Variants in ADGB observed in about 807,000 individuals in gnomAD.
ADGB encodes calpain-7-like protein.
ADGB carries 172 observed loss-of-function variants against 210.5 expected under a neutral mutation model. That is an observed-to-expected ratio of 0.82 (90% CI 0.72 to 0.93). The LOEUF is 0.93. Ranked by LOEUF, ADGB falls within the 40% of genes least tolerant of loss-of-function variation. The probability of loss-of-function intolerance (pLI) is 0.00; values close to 1 mark genes in which losing one functional copy is unlikely to be tolerated. For missense variants in ADGB, 2,025 were observed against 1,964.8 expected, an observed-to-expected ratio of 1.03 and a Z score of -0.58; for synonymous variants, 658 against 662.7, an observed-to-expected ratio of 0.99 and a Z score of 0.11.
intron 2 of ADGB, among the ~76,000 whole-genome samples, chr6:146,644,261 A>G (rs1775572255): frequency 6.6e-6 from 1 of 151,936 alleles, no homozygotes; most frequent in Non-Finnish European, 1.5e-5. Context: ...ATGAATCTAT[A>G]ATTATCTTAA....
intron 13 of ADGB, among the ~76,000 whole-genome samples, chr6:146,712,054 C>CAAAAAAAAAA (rs59777911): frequency 7.3e-6 from 1 of 137,418 alleles, no homozygotes. Flanking sequence ...CAGATCCTGT[C>CAAAAAAAAAA]AAAAAAAAAA....
At chr6:146,679,111 C>A (rs1776124245) in intron 9 of ADGB, among the ~76,000 whole-genome samples, 2 of 152,128 alleles carry the variant, frequency 1.3e-5, no homozygotes, top group African/African-American at 4.8e-5. Context: ...CTATTGAAGA[C>A]AATTCAGTCC....
intron 16 of ADGB, among the ~76,000 whole-genome samples, chr6:146,721,002 G>T (rs1776804272): frequency 6.6e-6 from 1 of 152,096 alleles, no homozygotes; most frequent in Non-Finnish European, 1.5e-5. Flanking sequence ...ACATCCAATT[G>T]GCCATTCCCA....
At position 146,782,019 on chromosome 6, in the gene ADGB, G is replaced by T. The variant is rs780050710; in HGVS notation, c.3863-1G>T. 1.4e-6 allele frequency: 2 copies of T among 1,477,824 alleles called. No homozygotes were observed. The highest frequency in any genetic ancestry group is 1.5e-5 in the South Asian group (1 of 68,512). The allele number at this position is 1,477,824 out of a possible 1,614,324, so 91.5% of individuals were successfully genotyped here. A position where few individuals can be genotyped will look rare whatever the true frequency, so the allele number is the denominator to read the frequency against. ...CATTTTTTATTTTTATGTCTCTCTAGCTTATGGTGAAAGACACGAGGAGTT... is the reference window on the plus strand; with the variant it reads ...CATTTTTTATTTTTATGTCTCTCTATCTTATGGTGAAAGACACGAGGAGTT... On this transcript the variant is annotated splice_acceptor_variant, in intron 29 of 35. Coordinates refer to ENST00000397944, the MANE Select transcript of ADGB (RefSeq NM_024694.4). LOFTEE classifies it high-confidence loss of function.
Position 146,618,767 on chromosome 6 carries a change from A to G in ADGB, c.75-16608A>G, listed in dbSNP as rs78820114. On this transcript the variant is annotated intron_variant, in intron 1 of 35. Transcript: ENST00000397944. ...TTTGATAAAACTTCTTTTGTGACCT[A>G]ACATATGGTCTGTCCTGGAGAATGT... Among the ~76,000 whole-genome samples, 858 of 152,192 alleles carry G rather than the reference A, an allele frequency of 5.6e-3. 6 individuals carry two copies. The highest frequency in any genetic ancestry group is 8.9e-3 in the Non-Finnish European group (603 of 67,928).
intron 1 of ADGB, among the ~76,000 whole-genome samples, chr6:146,634,758 A>G (rs1166548797): frequency 6.6e-6 from 1 of 152,080 alleles, no homozygotes; most frequent in East Asian, 1.9e-4. Flanking sequence ...TTGCAATAAG[A>G]ACAACCACCA....
intron 7 of ADGB, among the ~76,000 whole-genome samples, chr6:146,667,892 G>T (rs999326973): frequency 6.6e-6 from 1 of 151,996 alleles, no homozygotes; most frequent in African/African-American, 2.4e-5. Context: ...CATTTCAAAT[G>T]AGGAAACTAA....
At position 146,656,966 on chromosome 6, in the gene ADGB, A is replaced by T; in HGVS notation, c.598A>T (p.Lys200Ter). 1 of 1,550,910 alleles carries T rather than the reference A, an allele frequency of 6.4e-7. No homozygotes were observed. The highest frequency in any genetic ancestry group is 8.7e-7 in the Non-Finnish European group (1 of 1,146,376). ...LFNSYGKYVV[K>*]LYWMGCWRKI... ...CAATAGCTATGGAAAGTATGTTGTGAAACTTTACTGGATGGTAAGTCCATT... is the reference window on the plus strand; with the variant it reads ...CAATAGCTATGGAAAGTATGTTGTGTAACTTTACTGGATGGTAAGTCCATT... The change falls in exon 5 of 36, where the codon AAA becomes TAA. Residue 200 changes from lysine (K) to a stop codon, truncating the protein, a stop_gained. Transcript: ENST00000397944. LOFTEE classifies it high-confidence loss of function.
rs947336096 is a variant in ADGB, at chr6:146,788,558, G to A, written c.4485G>A (p.Val1495=). The change falls in exon 33 of 36, where the codon GTG becomes GTA. Residue 1495 remains valine, a synonymous_variant. Transcript: ENST00000397944. The part of the protein sequence containing the change: ...AKSTSSESGG[V]SSPGKEEREQ... ...CCACGAGTAGCGAAAGTGGAGGAGT[G>A]TCTTCACCAGGGAAAGAAGAGCGCG... 62 of 1,551,574 alleles carry A rather than the reference G, an allele frequency of 4.0e-5. No homozygotes were observed. The Admixed American group carries it at 4.3e-4, about 11-fold the overall frequency.
intron 33 of ADGB, among the ~76,000 whole-genome samples, chr6:146,800,044 G>T (rs1325520764): frequency 6.6e-6 from 1 of 152,064 alleles, no homozygotes; most frequent in Non-Finnish European, 1.5e-5. Context: ...TCCTGACCTC[G>T]TGATCCACCC....
intron 1 of ADGB, among the ~76,000 whole-genome samples, chr6:146,631,011 TAAGCTCATAATTA>T (rs1219386218): frequency 1.3e-5 from 2 of 152,262 alleles, no homozygotes; most frequent in East Asian, 3.9e-4. Context: ...CTGATAAGGA[TAAGCTCATAATTA>T]AAGAATATAC....
At chr6:146,692,315 A>G (rs1267328185) in intron 11 of ADGB, among the ~76,000 whole-genome samples, 3 of 151,728 alleles carry the variant, frequency 2.0e-5, no homozygotes, top group African/African-American at 7.3e-5. Context: ...TCAGCCTCAG[A>G]CTCCTTTAGG....
Position 146,733,204 on chromosome 6 carries a change from A to G in ADGB, c.2605A>G (p.Met869Val). ...PPNFKFAFRA[M>V]VLDLELLNSS... ...AAACTTCAAATTTGCATTCCGGGCT[A>G]TGGTTTTGGACTTGGAGTTACTCAA... The change falls in exon 21 of 36, where the codon ATG (methionine) becomes GTG (valine). Residue 869 changes from methionine (M) to valine (V), a missense_variant. Transcript: ENST00000397944. 6.5e-7 allele frequency: 1 copy of G among 1,544,466 alleles called. No homozygotes were observed. Among genetic ancestry groups the G allele is most frequent in the Non-Finnish European group, 8.8e-7 (1 of 1,142,776 alleles).
chr6:146,701,620 G>T (rs1248985511), intron 13 of ADGB, among the ~76,000 whole-genome samples: 2 of 151,838 alleles, frequency 1.3e-5, no homozygotes, highest in African/African-American at 4.8e-5. Flanking sequence ...TAGTTTCAGG[G>T]TTCATAACCC....
chr6:146,744,695 T>G (rs1259965792), intron 25 of ADGB, among the ~76,000 whole-genome samples: 1 of 152,190 alleles, frequency 6.6e-6, no homozygotes, highest in African/African-American at 2.4e-5. Flanking sequence ...TTCAGAATAC[T>G]AGTCTGTGGG....
intron 27 of ADGB, among the ~76,000 whole-genome samples, chr6:146,758,802 T>TA (rs1313301821): frequency 2.0e-5 from 3 of 151,996 alleles, no homozygotes; most frequent in Non-Finnish European, 4.4e-5. Flanking sequence ...CTGACATTGT[T>TA]ACAATATCGA....
intron 1 of ADGB, among the ~76,000 whole-genome samples, chr6:146,609,872 T>C (rs1780681890): frequency 6.6e-6 from 1 of 152,282 alleles, no homozygotes; most frequent in East Asian, 1.9e-4. Flanking sequence ...GAGCCTTTTC[T>C]GGTTGGTAGA....
chr6:146,634,322 T>C (rs1014358105), intron 1 of ADGB, among the ~76,000 whole-genome samples: 1 of 152,116 alleles, frequency 6.6e-6, no homozygotes, highest in African/African-American at 2.4e-5. Context: ...TTAGAATGTA[T>C]CCTTGTTGAT....
At chr6:146,667,127 G>A (rs1027256197) in intron 7 of ADGB, among the ~76,000 whole-genome samples, 19 of 151,918 alleles carry the variant, frequency 1.3e-4, no homozygotes, top group African/African-American at 4.1e-4. Flanking sequence ...TGTTGGAACC[G>A]ACTCCTGTAA....
Sources: allele counts gnomAD v4.1 joint callset (sites outside exome capture counted in the v4.1 genomes callset), GRCh38; gene constraint gnomAD v4.1.1; transcripts MANE v1.5; gene names NCBI Gene and HGNC (gene_info 2026-07-23, HGNC 2026-07-21).